LARGE1: variants seen among roughly 807,000 people sequenced by gnomAD.
LARGE1 encodes xylosyl- and glucuronyltransferase LARGE1.
LARGE1 carries 43 observed loss-of-function variants against 87.6 expected under a neutral mutation model. The observed-to-expected ratio is 0.49, with a 90% CI of 0.38 to 0.63. The LOEUF is 0.63. Ranked by LOEUF, LARGE1 falls within the 30% of genes least tolerant of loss-of-function variation. The pLI, the probability that LARGE1 is intolerant of heterozygous loss-of-function variation, is 0.00. For synonymous variants in LARGE1, 434 were observed against 394.6 expected (o/e 1.10, Z -1.18); for missense variants, 802 against 1,000.2 (o/e 0.80, Z 2.67).
At chr22:33,862,270 G>A (rs965329294) in intron 1 of LARGE1, among the ~76,000 whole-genome samples, 1 of 152,184 alleles carries the variant, frequency 6.6e-6, no homozygotes, top group Admixed American at 6.5e-5. Context: ...GGAAAAGGCT[G>A]CCAAAGATCC....
intron 9 of LARGE1, among the ~76,000 whole-genome samples, chr22:33,381,092 G>A (rs909715740): frequency 2.0e-5 from 3 of 152,160 alleles, no homozygotes; most frequent in African/African-American, 7.2e-5. Flanking sequence ...GCCTCACCAT[G>A]AGAAAACACC....
chr22:33,812,567 A>G (rs1035608943), intron 1 of LARGE1, among the ~76,000 whole-genome samples: 1 of 152,220 alleles, frequency 6.6e-6, no homozygotes, highest in Non-Finnish European at 1.5e-5. Flanking sequence ...ACTCAATCAC[A>G]CATTCATCTT....
chr22:33,289,894 C>T (rs1984714921), intron 12 of LARGE1, among the ~76,000 whole-genome samples: 1 of 152,160 alleles, frequency 6.6e-6, no homozygotes, highest in African/African-American at 2.4e-5. Flanking sequence ...ATGGGTAGTT[C>T]GTATCCTCTT....
chr22:33,443,233 G>T lies in LARGE1; in HGVS notation c.788-10968C>A, dbSNP rs577916366. ...AAGGTCAAGAAATCTCAGAGTAGGG[G>T]ATTGCATTCCCACCTCTCAGTTACA... On this transcript the variant is annotated intron_variant, in intron 6 of 14. Coordinates refer to ENST00000397394, the MANE Select transcript of LARGE1 (RefSeq NM_133642.5). Among the ~76,000 whole-genome samples the T allele has an allele frequency of 2.0e-5, 3 of 152,172 alleles. No individual in the cohort carries two copies. In the East Asian group the frequency reaches 5.8e-4, roughly 29 times the overall value.
At chr22:33,430,575 T>C (rs979750097) in intron 7 of LARGE1, among the ~76,000 whole-genome samples, 4 of 152,048 alleles carry the variant, frequency 2.6e-5, no homozygotes, top group Non-Finnish European at 4.4e-5. Context: ...GTTTGCCTGG[T>C]AGGCATTACA....
chr22:33,916,414 A>G (rs556451828), intron 1 of LARGE1, among the ~76,000 whole-genome samples: 10 of 152,354 alleles, frequency 6.6e-5, no homozygotes, highest in African/African-American at 2.4e-4. Flanking sequence ...TAGATGGTCT[A>G]TTATTATTTG....
intron 1 of LARGE1, among the ~76,000 whole-genome samples, chr22:33,792,835 A>T (rs2085864907): frequency 6.6e-6 from 1 of 152,052 alleles, no homozygotes; most frequent in Non-Finnish European, 1.5e-5. Flanking sequence ...GAGAAAACAG[A>T]CCCCTTTCTC....
chr22:33,668,628 T>C (rs2081327891), intron 2 of LARGE1, among the ~76,000 whole-genome samples: 1 of 152,210 alleles, frequency 6.6e-6, no homozygotes, highest in African/African-American at 2.4e-5. Context: ...GCTGTGCTAG[T>C]GCATTGATCA....
chr22:33,677,303 AAAAAG>A (rs2081612612), intron 2 of LARGE1, among the ~76,000 whole-genome samples: 2 of 151,872 alleles, frequency 1.3e-5, no homozygotes, highest in South Asian at 2.1e-4. Context: ...AAAAAAAAAA[AAAAAG>A]AAAAGAAAAA....
chr22:33,119,791 TGACAC>T, the LARGE1 span, among the ~76,000 whole-genome samples: 2 of 152,230 alleles, frequency 1.3e-5, no homozygotes, highest in Non-Finnish European at 2.9e-5. Context: ...AGGGTGCCAC[TGACAC>T]GTGTGGAGTG....
At chr22:33,652,749 G>A (rs2080857647) in intron 2 of LARGE1, among the ~76,000 whole-genome samples, 1 of 152,150 alleles carries the variant, frequency 6.6e-6, no homozygotes, top group Admixed American at 6.5e-5. Context: ...CACCCTGCAG[G>A]TCTCACTTGT....
At chr22:33,666,854 C>T (rs1452958978) in intron 2 of LARGE1, among the ~76,000 whole-genome samples, 2 of 152,154 alleles carry the variant, frequency 1.3e-5, no homozygotes, top group Non-Finnish European at 2.9e-5. Flanking sequence ...AGCACACTTC[C>T]CTCCAAAGCC....
chr22:33,353,516 C>T (rs981751933), intron 9 of LARGE1, among the ~76,000 whole-genome samples: 23 of 151,566 alleles, frequency 1.5e-4, no homozygotes, highest in African/African-American at 3.9e-4. Flanking sequence ...GAGAAAACCA[C>T]GCTGAAGGAT....
chr22:33,452,164 T>G (rs2067958620), intron 6 of LARGE1, among the ~76,000 whole-genome samples: 1 of 152,188 alleles, frequency 6.6e-6, no homozygotes, highest in African/African-American at 2.4e-5. Flanking sequence ...ACAAAACAAA[T>G]TCCTGCCTTG....
intron 5 of LARGE1, among the ~76,000 whole-genome samples, chr22:33,598,458 TG>T (rs1443150416): frequency 3.3e-5 from 5 of 152,180 alleles, no homozygotes; most frequent in Non-Finnish European, 7.3e-5. Context: ...TGTGCTATGG[TG>T]GTTTACTGCA....
Position 33,248,354 on chromosome 22 carries a change from A to T in LARGE1, c.1730+55875T>A, listed in dbSNP as rs185524704. ...AGGTGCGTGCCACCACACCTAGCTA[A>T]TTTTTTTGTGTATTTTTAGTAGAGA... On this transcript the variant is annotated intron_variant, in intron 11 of 11. Transcript: ENST00000608642. Among the ~76,000 whole-genome samples, 50 of 152,096 alleles carry T rather than the reference A, an allele frequency of 3.3e-4. 2 individuals carry two copies. Among genetic ancestry groups the T allele is most frequent in the Admixed American group, 2.8e-3 (43 of 15,268 alleles).
At position 33,734,094 on chromosome 22, in the gene LARGE1, C is replaced by T. The variant is rs190580107; in HGVS notation, c.106+27277G>A. Reference sequence around the variant, plus strand: ...TCCTCAGCTTCTAAATGACATCCTCCGTGTGTCTCACATCATCTGATCCTC... The same window carrying T: ...TCCTCAGCTTCTAAATGACATCCTCTGTGTGTCTCACATCATCTGATCCTC... On this transcript the variant is annotated intron_variant, in intron 2 of 14. Transcript: ENST00000397394. 1.2e-4 allele frequency among the ~76,000 whole-genome samples: 18 copies of T among 152,292 alleles called. No individual in the cohort carries two copies. In the South Asian group the frequency reaches 2.5e-3, roughly 21 times the overall value.
intron 3 of LARGE1, among the ~76,000 whole-genome samples, chr22:33,635,199 G>A (rs1197377580): frequency 6.6e-6 from 1 of 152,082 alleles, no homozygotes; most frequent in Admixed American, 6.5e-5. Flanking sequence ...TGAACCCCTG[G>A]CCCATTCCCT....
intron 2 of LARGE1, among the ~76,000 whole-genome samples, chr22:33,704,317 C>T (rs1410131009): frequency 1.3e-5 from 2 of 152,176 alleles, no homozygotes; most frequent in African/African-American, 2.4e-5. Flanking sequence ...GACAGGGGAA[C>T]TTACTGGAAA....
Sources: gnomAD v4.1 joint callset for allele counts (sites outside exome capture counted in the v4.1 genomes callset) on GRCh38, gnomAD v4.1.1 for gene constraint, MANE v1.5 for transcripts, NCBI Gene and HGNC (gene_info 2026-07-23, HGNC 2026-07-21) for gene names.